Variants in ZC3H7A observed in about 807,000 individuals in gnomAD.
ZC3H7A encodes zinc finger CCCH domain-containing protein 7A.
Under a neutral mutation model 125.5 loss-of-function variants are expected in ZC3H7A, and 44 were observed. The observed-to-expected ratio is 0.35, with a 90% CI of 0.28 to 0.45. The LOEUF (loss-of-function observed/expected upper bound fraction) is 0.45, where lower values mean the gene tolerates loss of function less well. Among genes scored for constraint, ZC3H7A ranks in the 20% least tolerant of loss-of-function variants. The pLI is 1.00. For synonymous variants in ZC3H7A, 399 were observed against 391.2 expected (o/e 1.02, Z -0.23); for missense variants, 977 against 1,170.7 (o/e 0.83, Z 2.41).
At chr16:11,764,968 TG>T in intron 15 of ZC3H7A, 84 bp downstream of exon 15, 1 of 905,104 alleles carries the variant, frequency 1.1e-6, no homozygotes, top group Non-Finnish European at 1.7e-6. Flanking sequence ...GGGCAATGCC[TG>T]GACAGACATT....
chr16:11,762,946 T>C, intron 16 of ZC3H7A, 199 bp from the exon 17 acceptor site: 1 of 500,610 alleles, frequency 2.0e-6, no homozygotes, highest in Non-Finnish European at 3.5e-6. Context: ...TTCTGAGGAA[T>C]CTTTCCTCCC....
intron 3 of ZC3H7A, among the ~76,000 whole-genome samples, chr16:11,780,001 G>C (rs1390681802): frequency 6.6e-6 from 1 of 152,066 alleles, no homozygotes; most frequent in Non-Finnish European, 1.5e-5. Context: ...TACTGATTTG[G>C]GGGGAGGGGG....
At chr16:11,774,619 G>A in intron 8 of ZC3H7A, 100 bp from the exon 9 acceptor site, 1 of 1,305,568 alleles carries the variant, frequency 7.7e-7, no homozygotes, top group Non-Finnish European at 1.0e-6. Context: ...AAATATGAAG[G>A]CAATTATAAA....
intron 1 of ZC3H7A, among the ~76,000 whole-genome samples, chr16:11,795,486 G>C (rs1188992461): frequency 6.6e-6 from 1 of 152,226 alleles, no homozygotes; most frequent in Non-Finnish European, 1.5e-5. Context: ...GCCCAGGGAG[G>C]AGTGCAGTGG....
intron 1 of ZC3H7A, among the ~76,000 whole-genome samples, chr16:11,791,405 T>C (rs2053350108): frequency 6.6e-6 from 1 of 152,034 alleles, no homozygotes; most frequent in Non-Finnish European, 1.5e-5. Context: ...CTTTCATCCA[T>C]CCACAAGTGG....
chr16:11,795,550 C>T (rs1414624875), intron 1 of ZC3H7A, among the ~76,000 whole-genome samples: 4 of 152,184 alleles, frequency 2.6e-5, no homozygotes, highest in Non-Finnish European at 5.9e-5. Context: ...ATTCTCCTGC[C>T]TCAGCCTCCC....
chr16:11,761,236 G>C (rs947612387), intron 19 of ZC3H7A, among the ~76,000 whole-genome samples, 170 bp downstream of exon 19: 1 of 151,994 alleles, frequency 6.6e-6, no homozygotes, highest in Non-Finnish European at 1.5e-5. Flanking sequence ...AAACTGCTAT[G>C]GAACCATACA....
At chr16:11,767,621 A>G (rs1019792398) in intron 12 of ZC3H7A, 43 bp from the exon 13 acceptor site, 19 of 1,477,422 alleles carry the variant, frequency 1.3e-5, no homozygotes, top group Non-Finnish European at 1.6e-5. Context: ...CACAAAAAAT[A>G]TCATTTCATT....
rs373705922 is a variant in ZC3H7A, at chr16:11,768,377, C to T, written c.1298G>A (p.Arg433Lys). 23 of 1,598,390 alleles carry T rather than the reference C, an allele frequency of 1.4e-5. No homozygotes were observed. The African/African-American group carries it at 2.7e-4, about 19-fold the overall frequency. ...TTCATGGGTTCCTTCGAGGGGATGTCTTGGAGTCACTGATGAAGATGGTTT... is the reference window on the plus strand; with the variant it reads ...TTCATGGGTTCCTTCGAGGGGATGTTTTGGAGTCACTGATGAAGATGGTTT... ...VTKPSSSVTP[R>K]HPLEGTHELR... Residue 433 changes from arginine (R) to lysine (K), a missense_variant, in exon 12 of 23, where the codon AGA (arginine) becomes AAA (lysine). Around this residue, in one of 3 missense-constraint regions of ZC3H7A, gnomAD observed 342 missense variants for 311.3 expected, o/e 1.10. Coordinates refer to ENST00000355758, the MANE Select transcript of ZC3H7A (RefSeq NM_014153.4).
At chr16:11,768,207 A>C in intron 12 of ZC3H7A, 108 bp downstream of exon 12, 1 of 1,132,568 alleles carries the variant, frequency 8.8e-7, no homozygotes, top group Non-Finnish European at 1.2e-6. Context: ...ATAGGGATTG[A>C]AGAACCATAA....
At chr16:11,758,877 C>G in intron 19 of ZC3H7A, 1 of 256,700 alleles carries the variant, frequency 3.9e-6, no homozygotes, top group South Asian at 4.4e-5. Flanking sequence ...GCTCCTGTTT[C>G]CCTGCCCAAC....
chr16:11,752,608 A>G, intron 22 of ZC3H7A, 61 bp downstream of exon 22: 2 of 1,566,662 alleles, frequency 1.3e-6, no homozygotes, highest in Non-Finnish European at 1.7e-6. Context: ...GTCAGCTGAC[A>G]TGTCCATGAA....
At chr16:11,787,081 G>C (rs1473167928) in intron 1 of ZC3H7A, among the ~76,000 whole-genome samples, 1 of 152,148 alleles carries the variant, frequency 6.6e-6, no homozygotes, top group Admixed American at 6.5e-5. Flanking sequence ...GGCCAAGGCA[G>C]GAGGATCATT....
chr16:11,753,116 C>G (rs1219854301), intron 21 of ZC3H7A: 1 of 347,380 alleles, frequency 2.9e-6, no homozygotes, highest in Non-Finnish European at 5.3e-6. Flanking sequence ...CAGGTACAAA[C>G]AAGGATTCAG....
chr16:11,796,677 A>AG (rs935947929), intron 1 of ZC3H7A: 1 of 152,128 alleles, frequency 6.6e-6, no homozygotes, highest in East Asian at 1.9e-4. Context: ...AAAATCAGAA[A>AG]GGGGGGTAAA....
At chr16:11,782,949 G>A (rs1305464890) in intron 1 of ZC3H7A, 2 of 152,716 alleles carry the variant, frequency 1.3e-5, no homozygotes, top group Non-Finnish European at 2.9e-5. Context: ...TGGCTATGCA[G>A]ACTTTGTATA....
intron 12 of ZC3H7A, 107 bp downstream of exon 12, chr16:11,768,208 A>T: frequency 8.8e-7 from 1 of 1,136,718 alleles, no homozygotes; most frequent in Non-Finnish European, 1.2e-6. Flanking sequence ...TAGGGATTGA[A>T]GAACCATAAT....
chr16:11,765,588 T>C lies in ZC3H7A; in HGVS notation c.1620A>G (p.Ala540=). Residue 540 remains alanine (A), a synonymous_variant, in exon 14 of 23, where the codon GCA becomes GCG. Coordinates refer to ENST00000355758, the MANE Select transcript of ZC3H7A (RefSeq NM_014153.4). The surrounding 1 kb of genome is among the most constrained non-coding windows in gnomAD (Gnocchi z 4.8). ...CGCCAAAGAAAGCCTCCCGGCTGAA[T>C]GCTCCTTTCCGCTCCAGTGTCCACA... ...IDVWTLERKG[A]FSREAFFGGN... is the part of the protein sequence containing the mutation. 1 of 1,614,200 alleles carries C rather than the reference T, an allele frequency of 6.2e-7. No homozygotes were observed. Among genetic ancestry groups the C allele is most frequent in the Non-Finnish European group, 8.5e-7 (1 of 1,180,026 alleles).
At position 11,751,301 on chromosome 16, in the gene ZC3H7A, C is replaced by T; in HGVS notation, c.*16G>A. ...GTCAATGCTCTGATTAGGTATCATA[C>T]ATAAAAGCCAGCATATTAGTTTAAA... On this transcript the variant is annotated 3_prime_UTR_variant, in exon 23 of 23. Transcript: ENST00000355758. The T allele has an allele frequency of 6.2e-7, 1 of 1,602,738 alleles. No homozygotes were observed. The highest frequency in any genetic ancestry group is 8.5e-7 in the Non-Finnish European group (1 of 1,174,126).
Sources: gnomAD v4.1 joint callset for allele counts (sites outside exome capture counted in the v4.1 genomes callset) on GRCh38, gnomAD v4.1.1 for gene constraint, gnomAD v4.1.1 regional missense constraint, Gnocchi (gnomAD v3.1) non-coding constraint, MANE v1.5 for transcripts, NCBI Gene and HGNC (gene_info 2026-07-23, HGNC 2026-07-21) for gene names.